Variants in ACTR3C observed in about 807,000 individuals in gnomAD.
ACTR3C encodes actin-related protein 3C.
A neutral mutation model predicts 26.3 loss-of-function variants in ACTR3C; 18 were observed. The observed-to-expected ratio is 0.68, with a 90% CI of 0.47 to 1.01. The LOEUF is 1.01. Ranked by LOEUF, ACTR3C falls within the 50% of genes least tolerant of loss-of-function variation. The probability of loss-of-function intolerance (pLI) is 0.00; values close to 1 mark genes in which losing one functional copy is unlikely to be tolerated. For synonymous variants in ACTR3C, 55 were observed against 94.5 expected (o/e 0.58, Z 2.42); for missense variants, 184 against 250.7 (o/e 0.73, Z 1.80).
At chr7:149,960,860 T>A in the ACTR3C span, among the ~76,000 whole-genome samples, 1 of 152,154 alleles carries the variant, frequency 6.6e-6, no homozygotes, top group South Asian at 2.1e-4. Flanking sequence ...GCAAGAGTGA[T>A]TATGCAGGTG....
chr7:149,966,626 C>A, the ACTR3C span, among the ~76,000 whole-genome samples: 1 of 152,182 alleles, frequency 6.6e-6, no homozygotes, highest in Non-Finnish European at 1.5e-5. Flanking sequence ...CAAGTTTTAG[C>A]AACTCACTAG....
the ACTR3C span, among the ~76,000 whole-genome samples, chr7:150,087,857 G>A: frequency 2.6e-5 from 4 of 152,238 alleles, no homozygotes; most frequent in African/African-American, 9.6e-5. Context: ...AAGTTATTAG[G>A]CACGTAAAAG....
At chr7:149,973,129 G>A in the ACTR3C span, among the ~76,000 whole-genome samples, 2 of 152,148 alleles carry the variant, frequency 1.3e-5, no homozygotes, top group East Asian at 1.9e-4. Flanking sequence ...ATGAGCGAGC[G>A]GCACATTTGT....
At chr7:150,279,514 T>C (rs2530933) in intron 6 of ACTR3C, among the ~76,000 whole-genome samples, 30,856 of 146,612 alleles carry the variant, frequency 0.21, 5,256 homozygotes, top group African/African-American at 0.47. Flanking sequence ...CACTGCTGGA[T>C]CCAGACTGCT....
the ACTR3C span, among the ~76,000 whole-genome samples, chr7:150,227,975 C>T: frequency 6.6e-6 from 1 of 151,976 alleles, no homozygotes; most frequent in Admixed American, 6.5e-5. Context: ...CTATTCTAGG[C>T]CAATTCTAGG....
At chr7:150,317,775 A>G (rs150371955) in intron 1 of ACTR3C, among the ~76,000 whole-genome samples, 1 of 152,340 alleles carries the variant, frequency 6.6e-6, no homozygotes, top group East Asian at 1.9e-4. Context: ...TCTAGTTATT[A>G]TCCAGATGGA....
At chr7:149,984,419 G>C in the ACTR3C span, among the ~76,000 whole-genome samples, 26 of 152,032 alleles carry the variant, frequency 1.7e-4, no homozygotes, top group Admixed American at 1.2e-3. Flanking sequence ...GGCCAGGCTG[G>C]TCTCGAACTT....
chr7:150,155,053 C>T, the ACTR3C span, among the ~76,000 whole-genome samples: 1 of 152,250 alleles, frequency 6.6e-6, no homozygotes, highest in Middle Eastern at 3.4e-3. Flanking sequence ...GAGAGAGGGT[C>T]AGGGTAAACC....
At chr7:150,016,857 C>T in the ACTR3C span, among the ~76,000 whole-genome samples, 12 of 152,058 alleles carry the variant, frequency 7.9e-5, no homozygotes, top group African/African-American at 2.9e-4. Flanking sequence ...ACATCAAGGC[C>T]GCTTTGGTCT....
chr7:150,161,308 G>T, the ACTR3C span, among the ~76,000 whole-genome samples: 1 of 149,248 alleles, frequency 6.7e-6, no homozygotes, highest in African/African-American at 2.5e-5. Context: ...TTGGTGTGCT[G>T]CACCCATTAA....
rs759738030 is a variant in ACTR3C, at chr7:150,304,173, CTCTACACTGGCTAGG to C, written c.-51-8841_-51-8827del. On this transcript the variant is annotated intron_variant, in intron 1 of 7. Transcript: ENST00000683684. ...ACTTAGCAAATCCAAGAAAGCTGAC[CTCTACACTGGCTAGG>C]TCTACACTGGCTAGGTCTACACTGG... 1.9e-3 allele frequency among the ~76,000 whole-genome samples: 286 copies of C among 152,050 alleles called. 1 individual carries two copies. The highest frequency in any genetic ancestry group is 6.8e-3 in the Middle Eastern group (2 of 294).
the ACTR3C span, among the ~76,000 whole-genome samples, chr7:149,979,926 G>A: frequency 1.4e-5 from 2 of 143,928 alleles, no homozygotes; most frequent in Admixed American, 6.7e-5. Flanking sequence ...CCCCTCCCGT[G>A]ACCAGAAATG....
chr7:150,305,473 C>A (rs1795739581), intron 1 of ACTR3C, among the ~76,000 whole-genome samples: 1 of 152,122 alleles, frequency 6.6e-6, no homozygotes, highest in Non-Finnish European at 1.5e-5. Flanking sequence ...TGTGCAAAGG[C>A]TGCCTGACCT....
the ACTR3C span, among the ~76,000 whole-genome samples, chr7:150,115,131 T>C: frequency 9.2e-3 from 1,407 of 152,332 alleles, 15 homozygotes; most frequent in African/African-American, 0.033. Flanking sequence ...CTCAAATTAT[T>C]CAACGTCTAC....
chr7:150,193,399 TTTTA>T, the ACTR3C span, among the ~76,000 whole-genome samples: 145 of 147,334 alleles, frequency 9.8e-4, 1 homozygote, highest in African/African-American at 3.3e-3. Context: ...TCTATTGATT[TTTTA>T]TTTTCTTTTT....
At chr7:150,299,380 G>A (rs951305080) in intron 1 of ACTR3C, among the ~76,000 whole-genome samples, 2 of 149,220 alleles carry the variant, frequency 1.3e-5, no homozygotes, top group Admixed American at 6.7e-5. Context: ...CAGCCCAGGA[G>A]GTCGAGGCTG....
chr7:149,903,903 G>GTTT, the ACTR3C span, among the ~76,000 whole-genome samples: 537 of 48,744 alleles, frequency 0.011, 14 homozygotes, highest in Middle Eastern at 0.028. Flanking sequence ...TGTTGTTGCT[G>GTTT]GTTGTTGTTG....
At chr7:150,128,278 TACTAGAGCATGC>T in the ACTR3C span, among the ~76,000 whole-genome samples, 4 of 152,246 alleles carry the variant, frequency 2.6e-5, no homozygotes, top group Non-Finnish European at 5.9e-5. Flanking sequence ...ATATTGGAAG[TACTAGAGCATGC>T]TGCCTAAATT....
chr7:150,101,479 T>G, the ACTR3C span, among the ~76,000 whole-genome samples: 2 of 151,738 alleles, frequency 1.3e-5, no homozygotes, highest in African/African-American at 2.4e-5. Flanking sequence ...CTCAGAAGCA[T>G]TGATACTGCT....
Sources: gnomAD v4.1 joint callset for allele counts (sites outside exome capture counted in the v4.1 genomes callset) on GRCh38, gnomAD v4.1.1 for gene constraint, MANE v1.5 for transcripts, NCBI Gene and HGNC (gene_info 2026-07-23, HGNC 2026-07-21) for gene names.